The following FBXL17 variants were observed in gnomAD, a reference collection of about 807,000 sequenced individuals.
FBXL17 encodes the protein F-box and leucine rich repeat protein 17.
In FBXL17, 22 loss-of-function variants were observed where a neutral mutation model predicts 66.2. That is an observed-to-expected ratio of 0.33 (90% CI 0.24 to 0.47). The LOEUF (loss-of-function observed/expected upper bound fraction) is 0.47. Ranked by LOEUF, FBXL17 falls within the 20% of genes least tolerant of loss-of-function variation. FBXL17 has a pLI of 1.00. For missense variants in FBXL17, 878 were observed against 948.2 expected (o/e 0.93, Z 0.97); for synonymous variants, 474 against 400.5 (o/e 1.18, Z -2.19).
chr5:108,259,113 A>G (rs1160654156), intron 4 of FBXL17, among the ~76,000 whole-genome samples: 1 of 152,176 alleles, frequency 6.6e-6, no homozygotes, highest in Non-Finnish European at 1.5e-5. Flanking sequence ...TTTTCAAAGC[A>G]CAATTAGAAT....
At chr5:108,224,289 G>A in intron 4 of FBXL17, 61 bp from the exon 5 acceptor site, 5 of 947,880 alleles carry the variant, frequency 5.3e-6, no homozygotes, top group Non-Finnish European at 6.5e-6. Flanking sequence ...CAAGGATTTG[G>A]CTCCTGAAAA....
intron 6 of FBXL17, among the ~76,000 whole-genome samples, chr5:108,077,507 CA>C (rs1341895087): frequency 6.6e-6 from 1 of 151,556 alleles, no homozygotes; most frequent in Non-Finnish European, 1.5e-5. Flanking sequence ...TACAAAAAAT[CA>C]AAAAATTAAC....
intron 5 of FBXL17, among the ~76,000 whole-genome samples, chr5:108,222,517 G>C (rs1450281507): frequency 6.6e-6 from 1 of 152,008 alleles, no homozygotes; most frequent in Non-Finnish European, 1.5e-5. Flanking sequence ...TCTAGCTTTA[G>C]GCTCTGATCC....
intron 7 of FBXL17, among the ~76,000 whole-genome samples, chr5:108,003,393 T>TA (rs1753810408): frequency 6.6e-6 from 1 of 152,042 alleles, no homozygotes; most frequent in South Asian, 2.1e-4. Flanking sequence ...GCACATCCGT[T>TA]AACACAGGTC....
intron 8 of FBXL17, chr5:107,880,772 A>G (rs539245094): frequency 1.5e-5 from 20 of 1,311,990 alleles, no homozygotes; most frequent in Non-Finnish European, 1.8e-5. Flanking sequence ...TAGGATGCCA[A>G]ACTCTAGTTG....
intron 4 of FBXL17, among the ~76,000 whole-genome samples, chr5:108,280,960 G>T (rs868138459): frequency 6.6e-6 from 1 of 151,772 alleles, no homozygotes; most frequent in Admixed American, 6.6e-5. Context: ...TCAATTCAGT[G>T]CAAGGATATA....
chr5:108,150,004 C>G (rs1275630416), intron 6 of FBXL17, among the ~76,000 whole-genome samples: 1 of 152,124 alleles, frequency 6.6e-6, no homozygotes, highest in East Asian at 1.9e-4. Context: ...GTAGAATGTA[C>G]ACCCATGAAT....
At chr5:107,981,803 T>C (rs1752842054) in intron 7 of FBXL17, among the ~76,000 whole-genome samples, 1 of 152,188 alleles carries the variant, frequency 6.6e-6, no homozygotes, top group African/African-American at 2.4e-5. Context: ...AAAAACAGCA[T>C]TGATTCTAGA....
chr5:108,111,056 A>G (rs1191005036), intron 6 of FBXL17, among the ~76,000 whole-genome samples: 2 of 152,162 alleles, frequency 1.3e-5, no homozygotes, highest in Non-Finnish European at 1.5e-5. Flanking sequence ...TCCTTTTTCT[A>G]CAGTTCCAGC....
intron 5 of FBXL17, among the ~76,000 whole-genome samples, chr5:108,213,006 G>A (rs1754442177): frequency 6.6e-6 from 1 of 152,012 alleles, no homozygotes; most frequent in Admixed American, 6.6e-5. Flanking sequence ...TTTCAGAGAT[G>A]CCCTGCCCAG....
chr5:108,183,034 A>ATTTTTTTTTTTTTTTTTTTTTTTTTTTT (rs34101023), intron 6 of FBXL17, among the ~76,000 whole-genome samples: 1 of 91,558 alleles, frequency 1.1e-5, no homozygotes, highest in Non-Finnish European at 2.2e-5. Flanking sequence ...ACAGTTTTCT[A>ATTTTTTTTTTTTTTTTTTTTTTTTTTTT]TTTTTTTTTT....
At chr5:108,149,599 C>T (rs1751690624) in intron 6 of FBXL17, among the ~76,000 whole-genome samples, 1 of 152,178 alleles carries the variant, frequency 6.6e-6, no homozygotes, top group African/African-American at 2.4e-5. Flanking sequence ...TGTACAGTGG[C>T]TTCAGTTGGG....
intron 4 of FBXL17, among the ~76,000 whole-genome samples, chr5:108,306,883 T>C (rs573303886): frequency 1.0e-3 from 158 of 152,222 alleles, no homozygotes; most frequent in African/African-American, 3.4e-3. Flanking sequence ...TAAATATTGA[T>C]TGACACTAGC....
intron 6 of FBXL17, among the ~76,000 whole-genome samples, chr5:108,106,399 AT>A (rs1259005048): frequency 6.6e-6 from 1 of 152,212 alleles, no homozygotes; most frequent in East Asian, 1.9e-4. Flanking sequence ...CGTCCCAGCC[AT>A]TCTACTCCTA....
At chr5:108,333,997 A>C (rs1310987132) in intron 4 of FBXL17, among the ~76,000 whole-genome samples, 1 of 152,198 alleles carries the variant, frequency 6.6e-6, no homozygotes, top group Non-Finnish European at 1.5e-5. Context: ...TACAATTAGA[A>C]GCTTGAGAAA....
intron 4 of FBXL17, among the ~76,000 whole-genome samples, chr5:108,303,903 T>A (rs1423934011): frequency 6.6e-6 from 1 of 151,920 alleles, no homozygotes; most frequent in Non-Finnish European, 1.5e-5. Context: ...TCAATAGATA[T>A]AACAACGTAA....
At chr5:108,306,308 A>G (rs1239639014) in intron 4 of FBXL17, among the ~76,000 whole-genome samples, 3 of 152,086 alleles carry the variant, frequency 2.0e-5, no homozygotes, top group Admixed American at 6.6e-5. Context: ...ATTTAATACA[A>G]ATTACTAAAG....
chr5:108,007,843 G>A (rs972236992), intron 7 of FBXL17, among the ~76,000 whole-genome samples: 1 of 152,156 alleles, frequency 6.6e-6, no homozygotes, highest in Non-Finnish European at 1.5e-5. Flanking sequence ...ATGTGAGAGC[G>A]TCATCAGGTT....
intron 8 of FBXL17, among the ~76,000 whole-genome samples, chr5:107,866,600 T>C (rs1316411393): frequency 1.3e-5 from 2 of 152,204 alleles, no homozygotes; most frequent in Non-Finnish European, 2.9e-5. Flanking sequence ...TTTATTAATT[T>C]CCGCAGAAAG....
Sources: allele counts gnomAD v4.1 joint callset (sites outside exome capture counted in the v4.1 genomes callset), GRCh38; gene constraint gnomAD v4.1.1; transcripts MANE v1.5; gene names NCBI Gene and HGNC (gene_info 2026-07-23, HGNC 2026-07-21).